The following CTPS2 variants were observed in gnomAD, a reference collection of about 807,000 sequenced individuals.
The protein encoded by CTPS2 is CTP synthase II.
Under a neutral mutation model 46.8 loss-of-function variants are expected in CTPS2, and 19 were observed. The ratio of observed to expected loss-of-function variants is 0.41; its 90% CI spans 0.28 to 0.60. The LOEUF is 0.60. Ranked by LOEUF, CTPS2 falls within the 20% of genes least tolerant of loss-of-function variation. The probability of loss-of-function intolerance (pLI) is 0.35; values close to 1 mark genes in which losing one functional copy is unlikely to be tolerated. For synonymous variants in CTPS2, 151 were observed against 165.2 expected, an observed-to-expected ratio of 0.91 and a Z score of 0.66; for missense variants, 286 against 447.6, an observed-to-expected ratio of 0.64 and a Z score of 3.26.
In CTPS2 at chrX:16,667,708, C is replaced by T; in HGVS notation, c.1206G>A (p.Met402Ile). ...KIPFLGVCLG[M>I]QLAVIEFARN... ...TTGCAAACTCTATCACTGCTAGTTG[C>T]ATCCCAAGACAAACTCCTATTTTAA... Residue 402 changes from methionine to isoleucine, a missense_variant, in exon 12 of 19, where the codon ATG becomes ATA. Physicochemically the swap from Met to Ile is conservative, Grantham distance 10. Transcript: ENST00000359276. The T allele has an allele frequency of 1.7e-6, 2 of 1,209,152 alleles. No homozygotes were observed. Among genetic ancestry groups the T allele is most frequent in the Non-Finnish European group, 2.2e-6 (2 of 893,753 alleles).
chrX:16,709,312 C>T (rs775913249), intron 1 of CTPS2, among the ~76,000 whole-genome samples: 6 of 108,382 alleles, frequency 5.5e-5, no homozygotes, highest in South Asian at 4.0e-4. Flanking sequence ...CCTGTAATCC[C>T]GGCTACTCAG....
intron 14 of CTPS2, among the ~76,000 whole-genome samples, chrX:16,636,624 TA>T (rs1175115361): frequency 5.4e-5 from 6 of 111,489 alleles, no homozygotes; most frequent in African/African-American, 6.5e-5. Context: ...GTGAATGCAC[TA>T]AAAAAATCAG....
At chrX:16,706,170 TCCCAGCA>T (rs1195607093) in intron 1 of CTPS2, among the ~76,000 whole-genome samples, 2 of 110,209 alleles carry the variant, frequency 1.8e-5, no homozygotes, top group Non-Finnish European at 3.8e-5. Flanking sequence ...ACGCCTATAA[TCCCAGCA>T]CTTTGGGCAG....
chrX:16,661,993 C>CATATAT (rs5901592), intron 13 of CTPS2, among the ~76,000 whole-genome samples: 3 of 85,350 alleles, frequency 3.5e-5, no homozygotes, highest in South Asian at 5.3e-4. Flanking sequence ...ATTGTTCATT[C>CATATAT]ATATATATAT....
At chrX:16,674,484 T>C (rs1922048374) in intron 10 of CTPS2, among the ~76,000 whole-genome samples, 1 of 111,624 alleles carries the variant, frequency 9.0e-6, no homozygotes, top group Admixed American at 9.5e-5. Flanking sequence ...TTAAGTTAGA[T>C]AAGATAAAGC....
At chrX:16,632,747 T>A (rs1931545362) in intron 14 of CTPS2, among the ~76,000 whole-genome samples, 1 of 111,058 alleles carries the variant, frequency 9.0e-6, no homozygotes, top group Admixed American at 9.6e-5. Context: ...TGGAGAGTGA[T>A]TATAGCACTA....
intron 9 of CTPS2, among the ~76,000 whole-genome samples, chrX:16,679,126 G>C (rs1267340472): frequency 9.0e-6 from 1 of 111,189 alleles, no homozygotes; most frequent in Non-Finnish European, 1.9e-5. Flanking sequence ...GGGAGGCCGA[G>C]GTGGGCAGAT....
chrX:16,692,200 T>C (rs1051447176), intron 6 of CTPS2, among the ~76,000 whole-genome samples: 2 of 110,645 alleles, frequency 1.8e-5, no homozygotes, highest in African/African-American at 6.6e-5. Context: ...CCCAGCACTT[T>C]AGGAGGCCAA....
At chrX:16,649,527 T>C (rs1932496126) in intron 13 of CTPS2, among the ~76,000 whole-genome samples, 1 of 112,363 alleles carries the variant, frequency 8.9e-6, no homozygotes, top group South Asian at 3.7e-4. Flanking sequence ...GATCTCACTC[T>C]GTCACCCAGG....
chrX:16,618,286 T>C (rs1006439933), intron 15 of CTPS2, among the ~76,000 whole-genome samples: 5 of 112,424 alleles, frequency 4.4e-5, no homozygotes, highest in African/African-American at 1.6e-4. Context: ...CATTTCCTTC[T>C]ATGACTGAAT....
At chrX:16,699,579 C>T (rs1029863985) in intron 2 of CTPS2, among the ~76,000 whole-genome samples, 3 of 112,528 alleles carry the variant, frequency 2.7e-5, no homozygotes, top group African/African-American at 9.7e-5. Flanking sequence ...CCATAAGCTA[C>T]GTGCACAATG....
chrX:16,697,784 A>G (rs1031579697), intron 4 of CTPS2, among the ~76,000 whole-genome samples: 1 of 111,429 alleles, frequency 9.0e-6, no homozygotes, highest in Non-Finnish European at 1.9e-5. Context: ...ATCACTTATC[A>G]CCGCTACCAT....
chrX:16,607,836 T>A (rs1460595093), intron 17 of CTPS2, among the ~76,000 whole-genome samples: 2 of 112,876 alleles, frequency 1.8e-5, no homozygotes, highest in Non-Finnish European at 3.7e-5. Context: ...GATGGTTGCT[T>A]CTGCTTTTCA....
chrX:16,688,401 A>G (rs1003713975), intron 8 of CTPS2, among the ~76,000 whole-genome samples: 6 of 107,947 alleles, frequency 5.6e-5, no homozygotes, highest in African/African-American at 2.0e-4. Flanking sequence ...CTCCATCTCA[A>G]AAAAAAAGAA....
chrX:16,654,841 A>C (rs964867185), intron 13 of CTPS2, among the ~76,000 whole-genome samples: 1 of 110,022 alleles, frequency 9.1e-6, no homozygotes, highest in African/African-American at 3.3e-5. Flanking sequence ...AGACATGATC[A>C]CGCCACTGCA....
chrX:16,640,413 T>C (rs757283587), intron 13 of CTPS2, among the ~76,000 whole-genome samples: 4 of 111,364 alleles, frequency 3.6e-5, no homozygotes, highest in Non-Finnish European at 5.6e-5. Context: ...CTGGGAGCCA[T>C]AGCTGAGTCA....
intron 13 of CTPS2, among the ~76,000 whole-genome samples, chrX:16,655,716 A>G (rs747266680): frequency 3.1e-4 from 35 of 112,147 alleles, no homozygotes; most frequent in African/African-American, 1.1e-3. Flanking sequence ...CAAAACACCC[A>G]TGAAGTATCA....
chrX:16,633,155 C>T (rs1449066476), intron 14 of CTPS2, among the ~76,000 whole-genome samples: 1 of 103,695 alleles, frequency 9.6e-6, no homozygotes, highest in Non-Finnish European at 2.0e-5. Flanking sequence ...ACAATCATGG[C>T]TCACTGCAGC....
chrX:16,650,822 T>A (rs1470892225), intron 13 of CTPS2, among the ~76,000 whole-genome samples: 1 of 110,730 alleles, frequency 9.0e-6, no homozygotes, highest in Non-Finnish European at 1.9e-5. Context: ...AAGATGCTTA[T>A]TTTTTAAACA....
Sources: gnomAD v4.1 joint callset for allele counts (sites outside exome capture counted in the v4.1 genomes callset) on GRCh38, gnomAD v4.1.1 for gene constraint, MANE v1.5 for transcripts, NCBI Gene and HGNC (gene_info 2026-07-23, HGNC 2026-07-21) for gene names.